The following MFHAS1 variants were observed in gnomAD, a reference collection of about 807,000 sequenced individuals.
MFHAS1 encodes the protein malignant fibrous histiocytoma-amplified sequence 1.
In MFHAS1, 50 loss-of-function variants were observed where a neutral mutation model predicts 70.4. The observed-to-expected ratio is 0.71, with a 90% CI of 0.57 to 0.90. The LOEUF is 0.90. Among genes scored for constraint, MFHAS1 ranks in the 40% least tolerant of loss-of-function variants. The pLI, the probability that MFHAS1 is intolerant of heterozygous loss-of-function variation, is 0.00. For synonymous variants in MFHAS1, 952 were observed against 620.0 expected (o/e 1.54, Z -7.96); for missense variants, 1,795 against 1,347.6 (o/e 1.33, Z -5.20).
In MFHAS1 at chr8:8,890,527, G is replaced by T; in HGVS notation, c.2532C>A (p.Ser844=). The change falls in exon 1 of 3, where the codon TCC becomes TCA. Residue 844 remains serine (S), a synonymous_variant. Transcript: ENST00000276282. ...NKPKGKPLNG[S]TAWYKFPCYV... is the part of the protein sequence containing the mutation. Reference sequence around the variant, plus strand: ...AGCATGGGAACTTGTACCAAGCTGTGGACCCATTCAAAGGCTTGCCCTTGG... The same window carrying T: ...AGCATGGGAACTTGTACCAAGCTGTTGACCCATTCAAAGGCTTGCCCTTGG... 1 of 1,613,474 alleles carries T rather than the reference G, an allele frequency of 6.2e-7. No homozygotes were observed. Among genetic ancestry groups the T allele is most frequent in the South Asian group, 1.1e-5 (1 of 91,084 alleles).
At chr8:8,863,403 C>T (rs973701855) in intron 1 of MFHAS1, among the ~76,000 whole-genome samples, 6 of 152,306 alleles carry the variant, frequency 3.9e-5, no homozygotes, top group African/African-American at 1.4e-4. Flanking sequence ...GCTCCTTGCA[C>T]ACATGCCAGT....
intron 1 of MFHAS1, among the ~76,000 whole-genome samples, chr8:8,832,465 A>G (rs1161498447): frequency 6.7e-6 from 1 of 148,710 alleles, no homozygotes; most frequent in Non-Finnish European, 1.5e-5. Context: ...AGAGCCAGTA[A>G]CCACAGAAAT....
chr8:8,815,681 C>A (rs1341340901), intron 1 of MFHAS1, among the ~76,000 whole-genome samples: 1 of 152,036 alleles, frequency 6.6e-6, no homozygotes, highest in Non-Finnish European at 1.5e-5. Flanking sequence ...ATGAAAAACA[C>A]TCAGCATAAT....
At chr8:8,867,188 G>A (rs1011273530) in intron 1 of MFHAS1, among the ~76,000 whole-genome samples, 12 of 152,164 alleles carry the variant, frequency 7.9e-5, no homozygotes, top group Non-Finnish European at 1.8e-4. Flanking sequence ...GTAGGAAATG[G>A]AATTAAACAC....
chr8:8,828,420 G>C (rs1025991320), intron 1 of MFHAS1, among the ~76,000 whole-genome samples: 2 of 152,142 alleles, frequency 1.3e-5, no homozygotes, highest in East Asian at 3.8e-4. Flanking sequence ...CTCTGACCTA[G>C]GGCAGTCTGA....
chr8:8,877,143 T>C (rs1809327404), intron 1 of MFHAS1, among the ~76,000 whole-genome samples: 1 of 150,964 alleles, frequency 6.6e-6, no homozygotes, highest in Non-Finnish European at 1.5e-5. Context: ...CTATAAAAAA[T>C]ATAAAAACTA....
At position 8,892,997 on chromosome 8, in the gene MFHAS1, C is replaced by G. The variant is rs1268880409; in HGVS notation, c.62G>C (p.Arg21Pro). 2.0e-6 allele frequency: 3 copies of G among 1,536,056 alleles called. No individual in the cohort carries two copies. The highest frequency in any genetic ancestry group is 2.6e-5 in the East Asian group (1 of 38,898). ...CAGGTTGCTCCGCAGCTTCCTGGCA[C>G]GCAGGGCGGCGTCCCGCCACAGCCT... ...TARLWRDAAL[R>P]ARKLRSNLRQ... Residue 21 changes from arginine (R) to proline (P), a missense_variant, in exon 1 of 3, where the codon CGT becomes CCT. Physicochemically the swap from Arg to Pro is moderately radical, Grantham distance 103. Transcript: ENST00000276282. This position sits in a 1 kb window ranked among gnomAD's most constrained non-coding sequence, Gnocchi z 4.7.
intron 1 of MFHAS1, among the ~76,000 whole-genome samples, chr8:8,883,649 A>G (rs1203908377): frequency 6.8e-6 from 1 of 147,168 alleles, no homozygotes; most frequent in Non-Finnish European, 1.5e-5. Context: ...TGGAGGTTGC[A>G]ATGAGCTCAG....
At chr8:8,805,497 G>A (rs1806254470) in intron 1 of MFHAS1, among the ~76,000 whole-genome samples, 1 of 152,136 alleles carries the variant, frequency 6.6e-6, no homozygotes, top group African/African-American at 2.4e-5. Flanking sequence ...CCATCATAAA[G>A]GTCTTCCTCA....
chr8:8,785,442 A>C lies in MFHAS1; in HGVS notation c.*580T>G, dbSNP rs1805506395. 6.6e-6 allele frequency: 1 copy of C among 152,560 alleles called. No homozygotes were observed. The highest frequency in any genetic ancestry group is 2.4e-5 in the African/African-American group (1 of 41,412). The allele number at this position is 152,560 out of a possible 1,614,324, so 9.5% of individuals were successfully genotyped here. A position where few individuals can be genotyped will look rare whatever the true frequency, so the allele number is the denominator to read the frequency against. ...AATAAAGAAAAAACAAAAAAGTCTT[A>C]TACTAAAATAAGAAATCAGCCCCAT... On this transcript the variant is annotated 3_prime_UTR_variant, in exon 3 of 3. Coordinates refer to ENST00000276282, the MANE Select transcript of MFHAS1 (RefSeq NM_004225.3).
intron 1 of MFHAS1, among the ~76,000 whole-genome samples, chr8:8,858,768 C>G (rs332030): frequency 0.07 from 10,620 of 152,060 alleles, 976 homozygotes; most frequent in African/African-American, 0.21. Context: ...CAGGTGGCGT[C>G]GAGGTGGACC....
intron 1 of MFHAS1, among the ~76,000 whole-genome samples, chr8:8,856,135 C>T (rs1013186009): frequency 6.6e-6 from 1 of 152,204 alleles, no homozygotes; most frequent in Non-Finnish European, 1.5e-5. Context: ...GAACTCCTCA[C>T]ATGCACAGCT....
chr8:8,867,412 C>T (rs985486236), intron 1 of MFHAS1, among the ~76,000 whole-genome samples: 2 of 152,094 alleles, frequency 1.3e-5, no homozygotes. Context: ...CCCATAGGTA[C>T]TTGCCTATAG....
intron 1 of MFHAS1, among the ~76,000 whole-genome samples, chr8:8,847,345 C>A (rs951658355): frequency 6.6e-6 from 1 of 152,130 alleles, no homozygotes; most frequent in Non-Finnish European, 1.5e-5. Context: ...CCGCACCCAG[C>A]TAATTTTTGT....
chr8:8,843,049 A>C (rs1297391288), intron 1 of MFHAS1, among the ~76,000 whole-genome samples: 3 of 151,078 alleles, frequency 2.0e-5, no homozygotes, highest in Non-Finnish European at 2.9e-5. Flanking sequence ...GTGGATCATG[A>C]GGTCAGGAGA....
chr8:8,890,528 G>A lies in MFHAS1; in HGVS notation c.2531C>T (p.Ser844Phe). Residue 844 changes from serine to phenylalanine, a missense_variant, in exon 1 of 3, where the codon TCC becomes TTC. Transcript: ENST00000276282. ...NKPKGKPLNG[S>F]TAWYKFPCYV... ...GCATGGGAACTTGTACCAAGCTGTGGACCCATTCAAAGGCTTGCCCTTGGG... is the reference window on the plus strand; with the variant it reads ...GCATGGGAACTTGTACCAAGCTGTGAACCCATTCAAAGGCTTGCCCTTGGG... 4 of 1,613,426 alleles carry A rather than the reference G, an allele frequency of 2.5e-6. No individual in the cohort carries two copies. Among genetic ancestry groups the A allele is most frequent in the Non-Finnish European group, 2.5e-6 (3 of 1,180,042 alleles).
chr8:8,870,692 A>T (rs1057015987), intron 1 of MFHAS1, among the ~76,000 whole-genome samples: 1 of 151,964 alleles, frequency 6.6e-6, no homozygotes, highest in Admixed American at 6.6e-5. Flanking sequence ...GGCCTCTCCG[A>T]GCCCCTGGAG....
chr8:8,842,653 G>T (rs759701730), intron 1 of MFHAS1, among the ~76,000 whole-genome samples: 7 of 152,186 alleles, frequency 4.6e-5, no homozygotes, highest in Non-Finnish European at 8.8e-5. Flanking sequence ...GAGCTGGTAA[G>T]GAAAGGAGAA....
At chr8:8,879,537 T>A (rs1043845105) in intron 1 of MFHAS1, among the ~76,000 whole-genome samples, 1 of 152,214 alleles carries the variant, frequency 6.6e-6, no homozygotes, top group Non-Finnish European at 1.5e-5. Context: ...AAAGAAGGAC[T>A]TGACCATTAC....
Sources: gnomAD v4.1 joint callset for allele counts (sites outside exome capture counted in the v4.1 genomes callset) on GRCh38, gnomAD v4.1.1 for gene constraint, Gnocchi (gnomAD v3.1) non-coding constraint, MANE v1.5 for transcripts, NCBI Gene and HGNC (gene_info 2026-07-23, HGNC 2026-07-21) for gene names.